Variants in C5orf52 observed in about 807,000 individuals in gnomAD.
C5orf52 encodes the protein uncharacterized protein C5orf52.
Under a neutral mutation model 16.8 loss-of-function variants are expected in C5orf52, and 15 were observed. The observed-to-expected ratio is 0.89, with a 90% CI of 0.60 to 1.38. The LOEUF (loss-of-function observed/expected upper bound fraction) is 1.38. Ranked by LOEUF, C5orf52 falls within the 40% of genes most tolerant of loss-of-function variation. C5orf52 has a pLI of 0.00. For missense variants in C5orf52, 206 were observed against 213.1 expected, an observed-to-expected ratio of 0.97 and a Z score of 0.21; for synonymous variants, 83 against 87.2, an observed-to-expected ratio of 0.95 and a Z score of 0.27.
Position 157,671,804 on chromosome 5 carries a change from G to T in C5orf52, c.190G>T (p.Ala64Ser), listed in dbSNP as rs1180813571. The change falls in exon 1 of 3, where the codon GCG becomes TCG. Residue 64 changes from alanine to serine, a missense_variant. Ala to Ser is a moderately conservative substitution (Grantham distance 99). Transcript: ENST00000409999. ...GATCTGCTTTCCGCGGCCGAGGTCC[G>T]CGCAGCAGCCGGTGCTGTTCAGGTG... ...PQICFPRPRS[A>S]QQPVLFSLMN... The T allele has an allele frequency of 6.5e-7, 1 of 1,541,664 alleles. No homozygotes were observed. Among genetic ancestry groups the T allele is most frequent in the Non-Finnish European group, 8.8e-7 (1 of 1,142,016 alleles).
intron 2 of C5orf52, among the ~76,000 whole-genome samples, chr5:157,675,779 A>G (rs1439332463): frequency 6.6e-6 from 1 of 152,102 alleles, no homozygotes; most frequent in African/African-American, 2.4e-5. Context: ...CCTCAACACC[A>G]TCTTGTCAAT....
chr5:157,671,540 G>A lies in C5orf52; in HGVS notation c.-75G>A, dbSNP rs1178162063. 2 of 1,310,772 alleles carry A rather than the reference G, an allele frequency of 1.5e-6. No homozygotes were observed. Among genetic ancestry groups the A allele is most frequent in the Non-Finnish European group, 2.1e-6 (2 of 955,980 alleles). 81.2% of individuals were successfully genotyped at this position (1,310,772 alleles called of 1,614,324 possible). The stretch of plus-strand genomic sequence containing the variant: ...GGCTCCGCCCAGGGACTCACTCCGC[G>A]TCAGCGCGCGCCCACCTAGGTGGGC... On this transcript the variant is annotated 5_prime_UTR_variant, in exon 1 of 3. Transcript: ENST00000409999.
At chr5:157,674,825 A>G (rs1759864831) in intron 1 of C5orf52, among the ~76,000 whole-genome samples, 2 of 152,166 alleles carry the variant, frequency 1.3e-5, no homozygotes, top group African/African-American at 4.8e-5. Context: ...AGTTCCTGAT[A>G]ACCCTTCTCT....
chr5:157,671,751 C>A lies in C5orf52; in HGVS notation c.137C>A (p.Pro46Gln), dbSNP rs1440579325. The change falls in exon 1 of 3, where the codon CCA (proline) becomes CAA (glutamine). Residue 46 changes from proline to glutamine, a missense_variant. Coordinates refer to ENST00000409999, the MANE Select transcript of C5orf52 (RefSeq NM_001145132.2). Reference sequence around the variant, plus strand: ...CAGCGCGATAGACTCGGCCGCCGCCCAGAAATCGGCGTAGGGGGTCAGCCG... The same window carrying A: ...CAGCGCGATAGACTCGGCCGCCGCCAAGAAATCGGCGTAGGGGGTCAGCCG... ...NYQRDRLGRR[P>Q]EIGVGGQPQI... is the part of the protein sequence containing the mutation. 1.3e-6 allele frequency: 2 copies of A among 1,551,094 alleles called. No homozygotes were observed. Among genetic ancestry groups the A allele is most frequent in the East Asian group, 4.9e-5 (2 of 40,910 alleles).
intron 1 of C5orf52, 55 bp downstream of exon 1, chr5:157,671,881 C>G: frequency 8.0e-7 from 1 of 1,243,520 alleles, no homozygotes; most frequent in East Asian, 2.6e-5. Flanking sequence ...CGAGGGAACC[C>G]TAACTCTTTG....
At chr5:157,674,974 G>A in intron 1 of C5orf52, 118 bp from the exon 2 acceptor site, 1 of 637,896 alleles carries the variant, frequency 1.6e-6, no homozygotes. Flanking sequence ...TGACAGAGCT[G>A]CACTTGTCCC....
chr5:157,680,063 C>A lies in C5orf52; in HGVS notation c.*64C>A, dbSNP rs779758156. 16 of 1,460,128 alleles carry A rather than the reference C, an allele frequency of 1.1e-5. No individual in the cohort carries two copies. The South Asian group carries it at 2.0e-4, about 18-fold the overall frequency. 90.4% of individuals were successfully genotyped at this position (1,460,128 alleles called of 1,614,324 possible). ...GGCAAAGGGATCTGCCCCAGGGTCA[C>A]GATGACACCAGTGTGACCCGAGGAG... On this transcript the variant is annotated 3_prime_UTR_variant, in exon 3 of 3. Transcript: ENST00000409999.
At chr5:157,679,003 G>A (rs1487905635) in intron 2 of C5orf52, among the ~76,000 whole-genome samples, 6 of 151,844 alleles carry the variant, frequency 4.0e-5, no homozygotes, top group African/African-American at 7.3e-5. Flanking sequence ...GTGTGGTGGC[G>A]GGCGCATGTA....
intron 2 of C5orf52, among the ~76,000 whole-genome samples, chr5:157,678,025 G>A (rs1221427876): frequency 6.6e-6 from 1 of 152,110 alleles, no homozygotes; most frequent in Non-Finnish European, 1.5e-5. Context: ...GGTAATAGCA[G>A]CGACTTGGTA....
At chr5:157,677,671 AAAAG>A (rs1157394192) in intron 2 of C5orf52, among the ~76,000 whole-genome samples, 237 of 70,612 alleles carry the variant, frequency 3.4e-3, no homozygotes, top group African/African-American at 0.027. Flanking sequence ...AAAAAAAAAG[AAAAG>A]AAAAGAAAAG....
intron 2 of C5orf52, among the ~76,000 whole-genome samples, chr5:157,675,871 T>C (rs1416604681): frequency 6.6e-6 from 1 of 152,182 alleles, no homozygotes; most frequent in Non-Finnish European, 1.5e-5. Context: ...AGGTAGAGTT[T>C]CACCTGCTTA....
intron 1 of C5orf52, among the ~76,000 whole-genome samples, chr5:157,672,125 C>A (rs1013203654): frequency 6.6e-6 from 1 of 152,172 alleles, no homozygotes; most frequent in African/African-American, 2.4e-5. Context: ...CCGTCAGTCC[C>A]CCAGGCATGA....
intron 2 of C5orf52, among the ~76,000 whole-genome samples, chr5:157,676,871 C>CTTTTTTTTTTT (rs35620575): frequency 1.0e-5 from 1 of 97,134 alleles, no homozygotes. Context: ...CTTTTTTTTT[C>CTTTTTTTTTTT]TTTTTTTTTT....
intron 2 of C5orf52, among the ~76,000 whole-genome samples, chr5:157,678,714 G>GC (rs1344496211): frequency 6.6e-6 from 1 of 152,090 alleles, no homozygotes; most frequent in Non-Finnish European, 1.5e-5. Flanking sequence ...ACCTGCCTTG[G>GC]CCCCCCAAAG....
At chr5:157,677,105 A>G (rs1326609197) in intron 2 of C5orf52, among the ~76,000 whole-genome samples, 1 of 152,088 alleles carries the variant, frequency 6.6e-6, no homozygotes, top group African/African-American at 2.4e-5. Context: ...CCTGGGCTCA[A>G]GTGATCTGCC....
At position 157,671,710 on chromosome 5, in the gene C5orf52, C is replaced by T. The variant is rs1300136873; in HGVS notation, c.96C>T (p.Thr32=). Residue 32 remains threonine (T), a synonymous_variant, in exon 1 of 3, where the codon ACC becomes ACT. Coordinates refer to ENST00000409999, the MANE Select transcript of C5orf52 (RefSeq NM_001145132.2). ...AGGCGACCACCAGTTCCAGCGCCAC[C>T]TCGGGTTCGAACTACCAGCGCGATA... is the stretch of plus-strand genomic sequence containing the variant. ...AAQATTSSSA[T]SGSNYQRDRL... The T allele has an allele frequency of 1.3e-6, 2 of 1,551,488 alleles. No homozygotes were observed. Among genetic ancestry groups the T allele is most frequent in the Admixed American group, 2.0e-5 (1 of 51,010 alleles).
chr5:157,672,489 C>T lies in C5orf52; in HGVS notation c.212+663C>T, dbSNP rs111735576. ...TCTAGTATTGGTAAATTTGGTGCAC[C>T]CACTGAGTGGGTGAAGAGTTTTATG... On this transcript the variant is annotated intron_variant, in intron 1 of 2. Coordinates refer to ENST00000409999, the MANE Select transcript of C5orf52 (RefSeq NM_001145132.2). Among the ~76,000 whole-genome samples, 62 of 152,050 alleles carry T rather than the reference C, an allele frequency of 4.1e-4. 1 individual carries two copies. In the Middle Eastern group the frequency reaches 0.01, roughly 25 times the overall value.
intron 1 of C5orf52, among the ~76,000 whole-genome samples, chr5:157,673,056 G>A (rs1432053743): frequency 6.6e-6 from 1 of 151,986 alleles, no homozygotes; most frequent in Admixed American, 6.6e-5. Context: ...GGATAAATAA[G>A]GCCAGGTGCA....
intron 2 of C5orf52, among the ~76,000 whole-genome samples, chr5:157,679,009 A>C (rs1001005869): frequency 6.6e-6 from 1 of 151,830 alleles, no homozygotes; most frequent in East Asian, 2.0e-4. Context: ...TGGCGGGCGC[A>C]TGTAGTCCCA....
Sources: gnomAD v4.1 joint callset for allele counts (sites outside exome capture counted in the v4.1 genomes callset) on GRCh38, gnomAD v4.1.1 for gene constraint, MANE v1.5 for transcripts, NCBI Gene and HGNC (gene_info 2026-07-23, HGNC 2026-07-21) for gene names.